The following MCM8 variants were observed in gnomAD, a reference collection of about 807,000 sequenced individuals.
MCM8 encodes the protein minichromosome maintenance 8 homologous recombination repair factor.
A neutral mutation model predicts 98.9 loss-of-function variants in MCM8; 85 were observed. The ratio of observed to expected loss-of-function variants is 0.86; its 90% CI spans 0.72 to 1.03. The LOEUF is 1.03. MCM8 is among the 50% of genes least tolerant of loss of function. The pLI is 0.00. For synonymous variants in MCM8, 352 were observed against 338.6 expected (o/e 1.04, Z -0.44); for missense variants, 951 against 997.8 (o/e 0.95, Z 0.63).
rs544043733 is a variant in MCM8 at position 5,997,443 on chromosome 20, A to G, written c.*3052A>G. 2 of 152,386 alleles carry G rather than the reference A, an allele frequency of 1.3e-5. No homozygotes were observed. The highest frequency in any genetic ancestry group is 4.8e-5 in the African/African-American group (2 of 41,462). The allele number at this position is 152,386 out of a possible 1,614,324, so 9.4% of individuals were successfully genotyped here. A position where few individuals can be genotyped will look rare whatever the true frequency, so the allele number is the denominator to read the frequency against. On this transcript the variant is annotated 3_prime_UTR_variant, in exon 19 of 19. Coordinates refer to ENST00000610722, the MANE Select transcript of MCM8 (RefSeq NM_032485.6). ...GATTGCCTGCCTCGGTCTCCCAAAA[A>G]GTGCCGGGATTACAGGCGTGAGCCA... is the stretch of plus-strand genomic sequence containing the variant.
At chr20:5,973,831 T>A (rs1333673345) in intron 12 of MCM8, among the ~76,000 whole-genome samples, 2 of 152,102 alleles carry the variant, frequency 1.3e-5, no homozygotes, top group African/African-American at 4.8e-5. Context: ...ATTTTTGTAT[T>A]TTTAGTAGAG....
At chr20:5,973,260 G>T in intron 12 of MCM8, 64 bp downstream of exon 12, 1 of 1,594,848 alleles carries the variant, frequency 6.3e-7, no homozygotes, top group Non-Finnish European at 8.6e-7. Context: ...ATTCACAAGT[G>T]AATTTTCTCA....
chr20:5,967,116 G>C (rs16991614), intron 8 of MCM8, among the ~76,000 whole-genome samples: 3,678 of 152,092 alleles, frequency 0.024, 133 homozygotes, highest in African/African-American at 0.077. Flanking sequence ...ACTTTATTTT[G>C]TTTTATCCAT....
chr20:5,991,886 C>T (rs184341038), intron 17 of MCM8, among the ~76,000 whole-genome samples: 80 of 152,272 alleles, frequency 5.3e-4, no homozygotes, highest in South Asian at 6.2e-4. Context: ...TCTTCAGCTT[C>T]GTTCAGTCTT....
At chr20:5,966,371 T>A (rs1041407095) in intron 8 of MCM8, among the ~76,000 whole-genome samples, 5 of 152,160 alleles carry the variant, frequency 3.3e-5, no homozygotes, top group African/African-American at 1.2e-4. Context: ...TCATTTTCTT[T>A]GTTCTGTTTT....
At chr20:5,972,962 A>G in intron 11 of MCM8, 94 bp from the exon 12 acceptor site, 1 of 1,435,122 alleles carries the variant, frequency 7.0e-7, no homozygotes, top group Non-Finnish European at 9.3e-7. Flanking sequence ...ACAATCCCCA[A>G]ACAAATTAAT....
At chr20:5,956,195 A>G (rs987141842) in intron 5 of MCM8, among the ~76,000 whole-genome samples, 1 of 152,190 alleles carries the variant, frequency 6.6e-6, no homozygotes, top group African/African-American at 2.4e-5. Context: ...TGTGCTGTCC[A>G]TTCAACATAG....
At chr20:5,985,885 T>C in intron 15 of MCM8, 37 bp from the exon 16 acceptor site, 1 of 1,596,650 alleles carries the variant, frequency 6.3e-7, no homozygotes, top group Non-Finnish European at 8.6e-7. Context: ...ATTTGCTACT[T>C]ATCCTTGTTA....
At chr20:5,986,924 C>T (rs561016311) in intron 16 of MCM8, among the ~76,000 whole-genome samples, 1 of 152,178 alleles carries the variant, frequency 6.6e-6, no homozygotes, top group Non-Finnish European at 1.5e-5. Context: ...CTCCCAGGCT[C>T]AAGGGATCCT....
In MCM8 at chr20:5,966,955, G is replaced by C. The variant is rs528825143; in HGVS notation, c.876-481G>C. Among the ~76,000 whole-genome samples, 3 of 152,208 alleles carry C rather than the reference G, an allele frequency of 2.0e-5. No individual in the cohort carries two copies. In the South Asian group the frequency reaches 6.2e-4, roughly 32 times the overall value. On this transcript the variant is annotated intron_variant, in intron 8 of 18. Transcript: ENST00000610722. ...ATTCTCAACAGCTATTCCATGACTT[G>C]TCTTTCGGTTGATTACTGTTTTCTT...
chr20:5,959,759 C>T (rs930071764), intron 7 of MCM8, among the ~76,000 whole-genome samples: 3 of 135,532 alleles, frequency 2.2e-5, no homozygotes, highest in Admixed American at 8.9e-5. Flanking sequence ...AGTGCAGTGG[C>T]GCGATCTTGG....
intron 17 of MCM8, among the ~76,000 whole-genome samples, chr20:5,989,120 C>CTTTTTTTTTTTTTTTTTTTTT (rs1172678780): frequency 2.5e-5 from 3 of 120,346 alleles, no homozygotes; most frequent in African/African-American, 3.8e-5. Context: ...TAGCGCAAGT[C>CTTTTTTTTTTTTTTTTTTTTT]TTTTTTTTTT....
intron 3 of MCM8, among the ~76,000 whole-genome samples, chr20:5,954,387 TAGAGAGA>T (rs1483927522): frequency 6.6e-6 from 1 of 152,178 alleles, no homozygotes; most frequent in African/African-American, 2.4e-5. Context: ...GTGGGGCTTT[TAGAGAGA>T]GAGAGTTTCT....
intron 12 of MCM8, among the ~76,000 whole-genome samples, chr20:5,976,241 A>G (rs1407392384): frequency 1.3e-5 from 2 of 152,214 alleles, no homozygotes; most frequent in African/African-American, 4.8e-5. Flanking sequence ...AGCCTGGGCA[A>G]CATAGTGAGA....
chr20:5,986,003 C>G lies in MCM8; in HGVS notation c.2035C>G (p.Pro679Ala). 1 of 1,614,124 alleles carries G rather than the reference C, an allele frequency of 6.2e-7. No homozygotes were observed. The highest frequency in any genetic ancestry group is 8.5e-7 in the Non-Finnish European group (1 of 1,180,022). The change falls in exon 16 of 19, where the codon CCA becomes GCA. Residue 679 changes from proline to alanine, a missense_variant. Physicochemically the swap from Pro to Ala is conservative, Grantham distance 27. Transcript: ENST00000610722. ...TGGCTATGCTCGGCAGTATGTGTACCCAAGGCTATCCACAGAAGCTGCTCG... is the reference window on the plus strand; with the variant it reads ...TGGCTATGCTCGGCAGTATGTGTACGCAAGGCTATCCACAGAAGCTGCTCG... Reference protein sequence around the residue: ...YIGYARQYVYPRLSTEAARVL... With the variant: ...YIGYARQYVYARLSTEAARVL...
chr20:5,990,352 C>T (rs919853592), intron 17 of MCM8, among the ~76,000 whole-genome samples: 10 of 152,198 alleles, frequency 6.6e-5, no homozygotes, highest in African/African-American at 2.4e-4. Flanking sequence ...GCTGGGATTA[C>T]AGGTGGGAGC....
chr20:5,994,814 C>T lies in MCM8; in HGVS notation c.*423C>T. On this transcript the variant is annotated 3_prime_UTR_variant, in exon 19 of 19. Transcript: ENST00000610722. ...GTCTCAGCTACTTGTGAGGCTGAGGCAGGAGGATTCTTTGAGCCCAGGAGT... is the reference window on the plus strand; with the variant it reads ...GTCTCAGCTACTTGTGAGGCTGAGGTAGGAGGATTCTTTGAGCCCAGGAGT... 1 of 420,280 alleles carries T rather than the reference C, an allele frequency of 2.4e-6. No individual in the cohort carries two copies. Among genetic ancestry groups the T allele is most frequent in the South Asian group, 1.7e-5 (1 of 58,000 alleles). 26.0% of individuals were successfully genotyped at this position (420,280 alleles called of 1,614,324 possible). A position where few individuals can be genotyped will look rare whatever the true frequency, so the allele number is the denominator to read the frequency against.
In MCM8 at chr20:5,956,236, T is replaced by A. The variant is rs548624245; in HGVS notation, c.487-890T>A. 7.9e-5 allele frequency among the ~76,000 whole-genome samples: 12 copies of A among 152,302 alleles called. 1 individual carries two copies. The highest frequency in any genetic ancestry group is 4.1e-4 in the South Asian group (2 of 4,828). On this transcript the variant is annotated intron_variant, in intron 5 of 18. Coordinates refer to ENST00000610722, the MANE Select transcript of MCM8 (RefSeq NM_032485.6). ...CCTTCCCTTCACATGGACAGATTATTTGGGCCTAGCTCAGTTGTCTGTCTG... is the reference window on the plus strand; with the variant it reads ...CCTTCCCTTCACATGGACAGATTATATGGGCCTAGCTCAGTTGTCTGTCTG...
Position 5,958,671 on chromosome 20 carries a change from G to A in MCM8, c.734G>A (p.Cys245Tyr). Residue 245 changes from cysteine (C) to tyrosine (Y), a missense_variant, in exon 7 of 19, where the codon TGT becomes TAT. By Grantham distance (194) the Cys-to-Tyr change is radical. Coordinates refer to ENST00000610722, the MANE Select transcript of MCM8 (RefSeq NM_032485.6). ...AAGATGGCTTTTCTTTGTGCTGCATGTGGAGAAATTCAGAGCTTTCCTCTT... is the reference window on the plus strand; with the variant it reads ...AAGATGGCTTTTCTTTGTGCTGCATATGGAGAAATTCAGAGCTTTCCTCTT... Reference protein sequence around the residue: ...CTKMAFLCAACGEIQSFPLPD... With the variant: ...CTKMAFLCAAYGEIQSFPLPD... 9 of 1,614,154 alleles carry A rather than the reference G, an allele frequency of 5.6e-6. No homozygotes were observed. Among genetic ancestry groups the A allele is most frequent in the Non-Finnish European group, 7.6e-6 (9 of 1,180,026 alleles).
Sources: allele counts gnomAD v4.1 joint callset (sites outside exome capture counted in the v4.1 genomes callset), GRCh38; gene constraint gnomAD v4.1.1; transcripts MANE v1.5; gene names NCBI Gene and HGNC (gene_info 2026-07-23, HGNC 2026-07-21).